The following NYAP2 variants were observed in gnomAD, a reference collection of about 807,000 sequenced individuals.
The protein encoded by NYAP2 is neuronal tyrosine-phosphorylated phosphoinositide-3-kinase adapter 2.
In NYAP2, 23 loss-of-function variants were observed where a neutral mutation model predicts 50.4. The observed-to-expected ratio is 0.46, with a 90% CI of 0.33 to 0.65. The LOEUF (loss-of-function observed/expected upper bound fraction) is 0.65, where lower values mean the gene tolerates loss of function less well. NYAP2 is among the 30% of genes least tolerant of loss of function. The probability of loss-of-function intolerance (pLI) is 0.02; values close to 1 mark genes in which losing one functional copy is unlikely to be tolerated. For missense variants in NYAP2, 885 were observed against 861.0 expected (o/e 1.03, Z -0.35); for synonymous variants, 394 against 365.2 (o/e 1.08, Z -0.90).
chr2:225,666,335 A>T, the NYAP2 span, among the ~76,000 whole-genome samples: 1 of 152,174 alleles, frequency 6.6e-6, no homozygotes, highest in Admixed American at 6.5e-5. Flanking sequence ...TCTGTAAAAT[A>T]TTTGAAGAGA....
chr2:225,656,925 T>C (rs1693839017), downstream of NYAP2, among the ~76,000 whole-genome samples: 1 of 152,126 alleles, frequency 6.6e-6, no homozygotes, highest in South Asian at 2.1e-4. Context: ...TTTGTTCCTG[T>C]TCTTCAGTCC....
At chr2:225,593,308 A>G (rs555019265) in intron 5 of NYAP2, among the ~76,000 whole-genome samples, 32 of 152,304 alleles carry the variant, frequency 2.1e-4, no homozygotes, top group African/African-American at 7.5e-4. Flanking sequence ...TTTCAAATGA[A>G]AATATTAGAT....
intron 3 of NYAP2, among the ~76,000 whole-genome samples, chr2:225,511,552 C>T (rs751536465): frequency 7.1e-4 from 108 of 152,090 alleles, no homozygotes; most frequent in Non-Finnish European, 1.2e-3. Flanking sequence ...GATGGTACTC[C>T]GTGCTTAGTG....
chr2:225,575,800 A>G (rs1447759381), intron 4 of NYAP2, among the ~76,000 whole-genome samples: 1 of 152,184 alleles, frequency 6.6e-6, no homozygotes, highest in Non-Finnish European at 1.5e-5. Flanking sequence ...TGTCAGCCAG[A>G]TGTGTTCTGG....
In NYAP2 at chr2:225,580,160, T is replaced by C. The variant is rs965233722; in HGVS notation, c.524-1781T>C. Among the ~76,000 whole-genome samples, 6 of 152,222 alleles carry C rather than the reference T, an allele frequency of 3.9e-5. No individual in the cohort carries two copies. The South Asian group carries it at 1.2e-3, about 32-fold the overall frequency. On this transcript the variant is annotated intron_variant, in intron 4 of 6. Transcript: ENST00000636099. ...CAGGAAACAAGTTCCAGAAGAATAG[T>C]CTGGATGAGCTTTGGTTCTTCCAAG...
At chr2:225,678,944 T>A in the NYAP2 span, among the ~76,000 whole-genome samples, 1 of 152,162 alleles carries the variant, frequency 6.6e-6, no homozygotes, top group South Asian at 2.1e-4. Flanking sequence ...TCCTAAAGAA[T>A]AGAGGATAAT....
chr2:225,551,008 A>G (rs1360187361), intron 4 of NYAP2, among the ~76,000 whole-genome samples: 2 of 152,240 alleles, frequency 1.3e-5, no homozygotes, highest in African/African-American at 2.4e-5. Context: ...CATTATAGAT[A>G]TGACTACAGC....
intron 5 of NYAP2, among the ~76,000 whole-genome samples, chr2:225,585,534 G>A (rs1468670010): frequency 6.6e-6 from 1 of 152,182 alleles, no homozygotes; most frequent in East Asian, 1.9e-4. Context: ...GAGTGGTCAA[G>A]GCTCTTTATA....
chr2:225,668,956 CTTTTTTTTTTTTT>C, the NYAP2 span, among the ~76,000 whole-genome samples: 7 of 69,568 alleles, frequency 1.0e-4, no homozygotes, highest in African/African-American at 2.4e-4. Context: ...GTGTCCCCTG[CTTTTTTTTTTTTT>C]TTTTTTTTTT....
chr2:225,625,257 T>C (rs1035267272), intron 5 of NYAP2, among the ~76,000 whole-genome samples: 1 of 152,140 alleles, frequency 6.6e-6, no homozygotes, highest in African/African-American at 2.4e-5. Flanking sequence ...TTATATTTCC[T>C]ACATAGATTA....
At chr2:225,397,971 A>T (rs1054225238), upstream of NYAP2, among the ~76,000 whole-genome samples, 7 of 152,054 alleles carry the variant, frequency 4.6e-5, no homozygotes, top group African/African-American at 1.7e-4. Context: ...ATATTTTCCT[A>T]AAGTTGAATA....
intron 3 of NYAP2, among the ~76,000 whole-genome samples, chr2:225,473,812 A>C (rs529688856): frequency 6.6e-6 from 1 of 152,274 alleles, no homozygotes; most frequent in Admixed American, 6.5e-5. Flanking sequence ...TCTTTAGTTT[A>C]GTTAGATCCC....
chr2:225,587,163 T>C (rs1692403112), intron 5 of NYAP2, among the ~76,000 whole-genome samples: 1 of 152,134 alleles, frequency 6.6e-6, no homozygotes, highest in African/African-American at 2.4e-5. Flanking sequence ...GTGTGGATTA[T>C]GGGGATAACA....
chr2:225,702,556 C>T, the NYAP2 span: 1 of 151,446 alleles, frequency 6.6e-6, no homozygotes, highest in Admixed American at 6.6e-5. Flanking sequence ...ACATACTAAA[C>T]TTAATGTCTA....
chr2:225,429,826 A>T (rs1224616037), intron 3 of NYAP2, among the ~76,000 whole-genome samples: 1 of 152,178 alleles, frequency 6.6e-6, no homozygotes, highest in African/African-American at 2.4e-5. Context: ...ATAGAGCAGC[A>T]TATCAGGAAA....
In NYAP2 at chr2:225,625,585, A is replaced by G. The variant is rs1484660232; in HGVS notation, c.1619-1332A>G. ...GCAAAGAAACACAAGACATAAGGGC[A>G]TTCAAAGGAGGGGTGGTAATAGCTG... On this transcript the variant is annotated intron_variant, in intron 5 of 6. Coordinates refer to ENST00000636099, the Ensembl canonical transcript of NYAP2. Among the ~76,000 whole-genome samples, 3 of 152,252 alleles carry G rather than the reference A, an allele frequency of 2.0e-5. No homozygotes were observed. The East Asian group carries it at 5.8e-4, about 29-fold the overall frequency.
At chr2:225,535,862 T>C (rs1356105467) in intron 4 of NYAP2, among the ~76,000 whole-genome samples, 5 of 152,192 alleles carry the variant, frequency 3.3e-5, no homozygotes, top group African/African-American at 1.2e-4. Context: ...CATTCCTTCC[T>C]TACTGGGAAA....
chr2:225,415,315 GAAAAATAAAAC>G (rs1277081734), intron 3 of NYAP2, among the ~76,000 whole-genome samples: 1 of 151,920 alleles, frequency 6.6e-6, no homozygotes, highest in Non-Finnish European at 1.5e-5. Flanking sequence ...GGACCATGAA[GAAAAATAAAAC>G]AAAAATAAAA....
intron 3 of NYAP2, among the ~76,000 whole-genome samples, chr2:225,486,253 A>G (rs1338004572): frequency 6.6e-6 from 1 of 152,182 alleles, no homozygotes; most frequent in South Asian, 2.1e-4. Flanking sequence ...AAAATAAATT[A>G]GCAGTGAGAG....
Sources: allele counts gnomAD v4.1 joint callset (sites outside exome capture counted in the v4.1 genomes callset), GRCh38; gene constraint gnomAD v4.1.1; transcripts MANE v1.5; gene names NCBI Gene and HGNC (gene_info 2026-07-23, HGNC 2026-07-21).